The following CDHR2 variants were observed in gnomAD, a reference collection of about 807,000 sequenced individuals.
CDHR2 encodes the protein cadherin-related family member 2.
A neutral mutation model predicts 138.6 loss-of-function variants in CDHR2; 104 were observed. The observed-to-expected ratio is 0.75, with a 90% CI of 0.64 to 0.88. The LOEUF (loss-of-function observed/expected upper bound fraction) is 0.88. Among genes scored for constraint, CDHR2 ranks in the 40% least tolerant of loss-of-function variants. The pLI is 0.00. For synonymous variants in CDHR2, 755 were observed against 742.8 expected (o/e 1.02, Z -0.27); for missense variants, 1,624 against 1,727.6 (o/e 0.94, Z 1.06).
In CDHR2 at chr5:176,589,643, G is replaced by A. The variant is rs551733396; in HGVS notation, c.3206+27G>A. On this transcript the variant is annotated intron_variant, in intron 24 of 31. Coordinates refer to ENST00000261944, the MANE Select transcript of CDHR2 (RefSeq NM_017675.6). ...TAGGTCTGGGGAGCCCCGGAGGGAGGGGTAGGAAGAACAGGGTGTAGGAGC... is the reference window on the plus strand; with the variant it reads ...TAGGTCTGGGGAGCCCCGGAGGGAGAGGTAGGAAGAACAGGGTGTAGGAGC... 4 of 1,606,030 alleles carry A rather than the reference G, an allele frequency of 2.5e-6. No individual in the cohort carries two copies. In the Admixed American group the frequency reaches 5.0e-5, roughly 20 times the overall value.
rs935859321 is a variant in CDHR2, at chr5:176,553,340, G to A, written c.-16+3926G>A. Among the ~76,000 whole-genome samples, 6 of 152,126 alleles carry A rather than the reference G, an allele frequency of 3.9e-5. No homozygotes were observed. Among genetic ancestry groups the A allele is most frequent in the Non-Finnish European group, 1.5e-5 (1 of 68,022 alleles). Reference sequence around the variant, plus strand: ...GACGTCAGTTTGCTGAGGACTAAATGGTAATGGGGGCAAAGTGCTAGCCTC... The same window carrying A: ...GACGTCAGTTTGCTGAGGACTAAATAGTAATGGGGGCAAAGTGCTAGCCTC... On this transcript the variant is annotated intron_variant, in intron 1 of 31. Coordinates refer to ENST00000261944, the MANE Select transcript of CDHR2 (RefSeq NM_017675.6). The surrounding 1 kb of genome is among the most constrained non-coding windows in gnomAD (Gnocchi z 4.3).
chr5:176,556,403 AC>A (rs1001980241), intron 1 of CDHR2, among the ~76,000 whole-genome samples: 1 of 152,192 alleles, frequency 6.6e-6, no homozygotes, highest in African/African-American at 2.4e-5. Flanking sequence ...GCGGTGGCTC[AC>A]GCCTGTAATC....
intron 17 of CDHR2, among the ~76,000 whole-genome samples, chr5:176,583,715 G>A (rs1758579087): frequency 1.3e-5 from 2 of 152,204 alleles, no homozygotes; most frequent in African/African-American, 2.4e-5. Flanking sequence ...GCACAGAGCT[G>A]GTGTTGTGGG....
chr5:176,592,462 GTGGTGTTGGTGTTGAGGTGATGGTGA>G (rs1232247474), intron 30 of CDHR2, among the ~76,000 whole-genome samples: 49 of 148,598 alleles, frequency 3.3e-4, no homozygotes, highest in African/African-American at 1.1e-3. Flanking sequence ...GGTGGTGGTG[GTGGTGTTGGTGTTGAGGTGATGGTGA>G]TGGTGGTGGT....
chr5:176,585,611 G>A (rs1298145927), intron 19 of CDHR2, among the ~76,000 whole-genome samples: 3 of 152,302 alleles, frequency 2.0e-5, no homozygotes, highest in South Asian at 4.1e-4. Flanking sequence ...GCCCAATCCT[G>A]GCCCACCACT....
intron 1 of CDHR2, among the ~76,000 whole-genome samples, chr5:176,563,749 T>G (rs1185757402): frequency 1.3e-5 from 2 of 152,182 alleles, no homozygotes; most frequent in Non-Finnish European, 2.9e-5. Context: ...TTTTGAAAGT[T>G]TTTCTGGGGT....
chr5:176,595,765 C>A lies in CDHR2; in HGVS notation c.*93C>A. ...GGAGATGAAAATATATGACGCTGCC[C>A]TGCCTCCTGCTTTTGGCCAATCACG... On this transcript the variant is annotated 3_prime_UTR_variant, in exon 32 of 32. Coordinates refer to ENST00000261944, the MANE Select transcript of CDHR2 (RefSeq NM_017675.6). 2 of 1,238,334 alleles carry A rather than the reference C, an allele frequency of 1.6e-6. No individual in the cohort carries two copies. Among genetic ancestry groups the A allele is most frequent in the Admixed American group, 2.8e-5 (1 of 36,348 alleles). The allele number at this position is 1,238,334 out of a possible 1,614,324, so 76.7% of individuals were successfully genotyped here. A position where few individuals can be genotyped will look rare whatever the true frequency, so the allele number is the denominator to read the frequency against.
chr5:176,549,961 G>C (rs936582268), intron 1 of CDHR2, among the ~76,000 whole-genome samples: 1 of 152,226 alleles, frequency 6.6e-6, no homozygotes, highest in Non-Finnish European at 1.5e-5. Context: ...TGCCACCTCA[G>C]CCAGTGCTAG....
At chr5:176,594,400 C>T (rs1440033063) in intron 31 of CDHR2, among the ~76,000 whole-genome samples, 1 of 152,182 alleles carries the variant, frequency 6.6e-6, no homozygotes, top group Non-Finnish European at 1.5e-5. Flanking sequence ...GGTGCCCTGA[C>T]TTGTCTAAGC....
chr5:176,547,579 C>T (rs552300816), upstream of CDHR2: 1 of 152,162 alleles, frequency 6.6e-6, no homozygotes, highest in Admixed American at 6.5e-5. Context: ...GTCCTCTGCT[C>T]CTTGGGGTTC....
At chr5:176,568,650 C>G in intron 3 of CDHR2, 28 bp from the exon 4 acceptor site, 1 of 1,611,214 alleles carries the variant, frequency 6.2e-7, no homozygotes, top group Non-Finnish European at 8.5e-7. Context: ...TGGCTGTGGA[C>G]CCTGGGTGGC....
chr5:176,579,785 G>A (rs1758483055), intron 16 of CDHR2, among the ~76,000 whole-genome samples: 1 of 152,160 alleles, frequency 6.6e-6, no homozygotes, highest in Admixed American at 6.5e-5. Context: ...TGGATTCAAG[G>A]CCACGTTTGC....
chr5:176,551,369 T>C lies in CDHR2; in HGVS notation c.-16+1955T>C, dbSNP rs192964719. ...TTTTAGTAGAGACAGGGTTTCACCATGTTGGTCAGGCTGGTCCAGGCATTT... is the reference window on the plus strand; with the variant it reads ...TTTTAGTAGAGACAGGGTTTCACCACGTTGGTCAGGCTGGTCCAGGCATTT... On this transcript the variant is annotated intron_variant, in intron 1 of 31. Coordinates refer to ENST00000261944, the MANE Select transcript of CDHR2 (RefSeq NM_017675.6). Among the ~76,000 whole-genome samples the C allele has an allele frequency of 4.6e-3, 697 of 152,240 alleles. 5 individuals carry two copies. Among genetic ancestry groups the C allele is most frequent in the African/African-American group, 0.016 (660 of 41,536 alleles).
intron 3 of CDHR2, among the ~76,000 whole-genome samples, chr5:176,566,442 G>A (rs778692013): frequency 2.0e-5 from 3 of 152,186 alleles, no homozygotes; most frequent in Non-Finnish European, 2.9e-5. Flanking sequence ...GATATAGATC[G>A]GGGAAGTAGA....
rs1174383324 is a variant in CDHR2 at position 176,543,433 on chromosome 5, G to C, written c.-16+664G>C. On this transcript the variant is annotated intron_variant, in intron 1 of 31. Coordinates refer to the CDHR2 transcript ENST00000510636. The surrounding 1 kb of genome is among the most constrained non-coding windows in gnomAD (Gnocchi z 4.0). The stretch of plus-strand genomic sequence containing the variant: ...CACCCGGGCGCGCGGGGCCCACACC[G>C]GCTGCGCAGCTTCCAGGACCCCCGC... 1 of 151,636 alleles carries C rather than the reference G, an allele frequency of 6.6e-6. No homozygotes were observed. The highest frequency in any genetic ancestry group is 1.5e-5 in the Non-Finnish European group (1 of 67,876). The allele number at this position is 151,636 out of a possible 1,614,324, so 9.4% of individuals were successfully genotyped here.
At chr5:176,559,972 T>C (rs1003748117) in intron 1 of CDHR2, among the ~76,000 whole-genome samples, 5 of 152,182 alleles carry the variant, frequency 3.3e-5, no homozygotes, top group Non-Finnish European at 5.9e-5. Context: ...TTGGATTGGT[T>C]GGTTTGCATA....
chr5:176,573,475 A>G (rs1389456726), intron 6 of CDHR2, among the ~76,000 whole-genome samples: 55 of 142,590 alleles, frequency 3.9e-4, no homozygotes, highest in Admixed American at 6.9e-5. Flanking sequence ...CCCTGTCTCT[A>G]TTAAAAATAT....
intron 1 of CDHR2, among the ~76,000 whole-genome samples, chr5:176,561,990 G>A (rs1039256063): frequency 1.2e-4 from 19 of 152,164 alleles, no homozygotes; most frequent in Non-Finnish European, 2.2e-4. Context: ...GCAAGGCGGG[G>A]AAGAGCATTC....
Position 176,572,973 on chromosome 5 carries a change from G to A in CDHR2, c.406-1110G>A, listed in dbSNP as rs116768849. Among the ~76,000 whole-genome samples the A allele has an allele frequency of 4.8e-3, 729 of 152,344 alleles. 8 individuals are homozygous for A. Among genetic ancestry groups the A allele is most frequent in the African/African-American group, 0.017 (687 of 41,582 alleles). ...AGCCCCACAATGAGCACGAGACAAG[G>A]CAAAGTCAAGGAAGTGACTGCAGCG... is the stretch of plus-strand genomic sequence containing the variant. On this transcript the variant is annotated intron_variant, in intron 6 of 31. Transcript: ENST00000261944.
Sources: allele counts gnomAD v4.1 joint callset (sites outside exome capture counted in the v4.1 genomes callset), GRCh38; gene constraint gnomAD v4.1.1; non-coding constraint Gnocchi (gnomAD v3.1); transcripts MANE v1.5; gene names NCBI Gene and HGNC (gene_info 2026-07-23, HGNC 2026-07-21).